The following ABI1 variants were observed in gnomAD, a reference collection of about 807,000 sequenced individuals.
ABI1 encodes Abelson interactor 1.
A neutral mutation model predicts 54.6 loss-of-function variants in ABI1; 14 were observed. That is an observed-to-expected ratio of 0.26 (90% CI 0.17 to 0.40). The LOEUF (loss-of-function observed/expected upper bound fraction) is 0.40. Ranked by LOEUF, ABI1 falls within the 10% of genes least tolerant of loss-of-function variation. ABI1 has a pLI of 1.00. For missense variants in ABI1, 443 were observed against 598.3 expected (o/e 0.74, Z 2.71); for synonymous variants, 194 against 209.3 (o/e 0.93, Z 0.63).
chr10:26,808,856 A>G (rs2047041782), intron 2 of ABI1, among the ~76,000 whole-genome samples: 1 of 152,146 alleles, frequency 6.6e-6, no homozygotes, highest in Non-Finnish European at 1.5e-5. Flanking sequence ...GGAGGCAGAC[A>G]GACAAAGCAA....
intron 2 of ABI1, among the ~76,000 whole-genome samples, chr10:26,783,886 A>G (rs1842426907): frequency 6.6e-6 from 1 of 152,174 alleles, no homozygotes; most frequent in South Asian, 2.1e-4. Context: ...GTTTAATAAA[A>G]GGGCCCTTTG....
chr10:26,815,866 G>A (rs1440593592), intron 2 of ABI1, among the ~76,000 whole-genome samples: 1 of 152,166 alleles, frequency 6.6e-6, no homozygotes, highest in Non-Finnish European at 1.5e-5. Context: ...AACTATGACT[G>A]TGCCACTGCA....
intron 4 of ABI1, chr10:26,770,627 T>A (rs1024611107): frequency 1.3e-5 from 8 of 620,436 alleles, no homozygotes; most frequent in Admixed American, 4.1e-5. Flanking sequence ...ATCAAACTTA[T>A]CTGCATTCAA....
chr10:26,820,851 T>C (rs1429264182), intron 2 of ABI1, among the ~76,000 whole-genome samples: 6 of 151,408 alleles, frequency 4.0e-5, no homozygotes, highest in Non-Finnish European at 7.4e-5. Context: ...CTCCCAATAA[T>C]ACACTATTTA....
chr10:26,768,399 G>A (rs914091478), intron 6 of ABI1, among the ~76,000 whole-genome samples: 2 of 151,748 alleles, frequency 1.3e-5, no homozygotes, highest in Non-Finnish European at 2.9e-5. Context: ...TTAGCCAGGC[G>A]TGGTGGCTCA....
chr10:26,765,163 C>T (rs1839768805), intron 7 of ABI1, 55 bp downstream of exon 7: 2 of 1,254,560 alleles, frequency 1.6e-6, no homozygotes, highest in African/African-American at 1.5e-5. Context: ...CAGCCTTCCA[C>T]AATAAAGCTC....
At chr10:26,788,051 T>C (rs547993754) in intron 2 of ABI1, among the ~76,000 whole-genome samples, 1 of 152,320 alleles carries the variant, frequency 6.6e-6, no homozygotes, top group South Asian at 2.1e-4. Context: ...AATTCTCACG[T>C]GTTGTGGGAG....
chr10:26,857,541 G>C (rs555950027), intron 1 of ABI1, among the ~76,000 whole-genome samples: 2 of 151,632 alleles, frequency 1.3e-5, no homozygotes, highest in South Asian at 2.1e-4. Context: ...TACCTGGGGG[G>C]GCTGAGGTGG....
intron 2 of ABI1, among the ~76,000 whole-genome samples, chr10:26,809,280 A>C (rs1045470458): frequency 6.6e-6 from 1 of 152,066 alleles, no homozygotes; most frequent in East Asian, 1.9e-4. Context: ...AAAAAAAAAA[A>C]AAAATTACTA....
Position 26,860,303 on chromosome 10 carries a change from TCTCCTCTCCCCTCTCCCGTCCTGGAC to T in ABI1, c.117+418_117+443del, listed in dbSNP as rs570570762. Among the ~76,000 whole-genome samples the T allele has an allele frequency of 2.0e-5, 3 of 151,640 alleles. No individual in the cohort carries two copies. The highest frequency in any genetic ancestry group is 3.9e-4 in the East Asian group (2 of 5,114). On this transcript the variant is annotated intron_variant, in intron 1 of 10. Coordinates refer to ENST00000376140, the MANE Select transcript of ABI1 (RefSeq NM_001012750.3). This position sits in a 1 kb window ranked among gnomAD's most constrained non-coding sequence, Gnocchi z 4.1. ...TGCGGCTTCAGCCTCGTCCCTGCCCTCTCCTCTCCCCTCTCCCGTCCTGGACCTCCTCTCCCGGCGCAGAGAGGCGG... is the reference window on the plus strand; with the variant it reads ...TGCGGCTTCAGCCTCGTCCCTGCCCTCTCCTCTCCCGGCGCAGAGAGGCGG...
intron 2 of ABI1, among the ~76,000 whole-genome samples, chr10:26,822,384 A>T (rs2133788654): frequency 6.7e-6 from 1 of 148,464 alleles, no homozygotes; most frequent in East Asian, 1.9e-4. Context: ...AAAAGAAATA[A>T]AAGCATATGA....
intron 1 of ABI1, among the ~76,000 whole-genome samples, chr10:26,849,702 C>G (rs1175677331): frequency 6.6e-6 from 1 of 152,180 alleles, no homozygotes; most frequent in African/African-American, 2.4e-5. Flanking sequence ...AAAATTCAAG[C>G]TTTCAAGCAA....
intron 2 of ABI1, among the ~76,000 whole-genome samples, chr10:26,778,057 G>A (rs1841649233): frequency 6.6e-6 from 1 of 151,876 alleles, no homozygotes; most frequent in Admixed American, 6.6e-5. Flanking sequence ...GGATAAACAG[G>A]AGTCAAGAGG....
intron 2 of ABI1, among the ~76,000 whole-genome samples, chr10:26,784,440 A>G (rs768765634): frequency 6.6e-5 from 10 of 152,126 alleles, no homozygotes; most frequent in Admixed American, 2.6e-4. Flanking sequence ...AGAAGTATTC[A>G]TACTGTACTT....
chr10:26,759,309 A>G (rs1838787167), intron 7 of ABI1, 71 bp from the exon 8 acceptor site: 1 of 1,310,378 alleles, frequency 7.6e-7, no homozygotes, highest in Non-Finnish European at 1.0e-6. Context: ...TGGCAGAACA[A>G]AGCAGGAGGG....
intron 7 of ABI1, among the ~76,000 whole-genome samples, chr10:26,759,849 T>C (rs1399172209): frequency 6.6e-6 from 1 of 152,134 alleles, no homozygotes; most frequent in East Asian, 1.9e-4. Context: ...TTTTAAGAAA[T>C]GTGCCATTTC....
intron 2 of ABI1, among the ~76,000 whole-genome samples, chr10:26,795,715 A>G (rs1178476886): frequency 1.3e-5 from 2 of 152,204 alleles, no homozygotes; most frequent in East Asian, 3.8e-4. Flanking sequence ...TGTACACTGA[A>G]AACTATAATA....
chr10:26,786,387 G>A (rs1158699332), intron 2 of ABI1, among the ~76,000 whole-genome samples: 1 of 152,040 alleles, frequency 6.6e-6, no homozygotes, highest in Admixed American at 6.5e-5. Flanking sequence ...GCTTATTTTT[G>A]TATGTTTTGT....
At chr10:26,827,615 T>TG (rs1306079600) in intron 1 of ABI1, among the ~76,000 whole-genome samples, 2 of 134,694 alleles carry the variant, frequency 1.5e-5, no homozygotes, top group African/African-American at 2.8e-5. Context: ...TTTTTTGAGA[T>TG]GGAGTCTTGC....
Sources: gnomAD v4.1 joint callset for allele counts (sites outside exome capture counted in the v4.1 genomes callset) on GRCh38, gnomAD v4.1.1 for gene constraint, Gnocchi (gnomAD v3.1) non-coding constraint, MANE v1.5 for transcripts, NCBI Gene and HGNC (gene_info 2026-07-23, HGNC 2026-07-21) for gene names.